Variants in DNAH3 observed in about 807,000 individuals in gnomAD.
DNAH3 encodes the protein axonemal beta dynein heavy chain 3.
DNAH3 carries 332 observed loss-of-function variants against 432.5 expected under a neutral mutation model. The observed-to-expected ratio is 0.77, with a 90% CI of 0.70 to 0.84. DNAH3 has a LOEUF of 0.84. DNAH3 is among the 40% of genes least tolerant of loss of function. The pLI is 0.00. For missense variants in DNAH3, 4,861 were observed against 5,114.0 expected, an observed-to-expected ratio of 0.95 and a Z score of 1.51; for synonymous variants, 1,956 against 1,900.2, an observed-to-expected ratio of 1.03 and a Z score of -0.76.
At chr16:20,944,525 G>C in exon 58 of DNAH3, 2 of 1,614,152 alleles carry the variant, frequency 1.2e-6, no homozygotes, top group Non-Finnish European at 1.7e-6. Flanking sequence ...CCTCCTGACT[G>C]TCTAGGGAGG....
intron 44 of DNAH3, among the ~76,000 whole-genome samples, chr16:20,989,130 C>A (rs1259097245): frequency 3.3e-5 from 5 of 152,196 alleles, no homozygotes; most frequent in Non-Finnish European, 7.3e-5. Flanking sequence ...CTGGCTCGGG[C>A]AGCCTGCTTT....
chr16:20,997,511 C>T, intron 43 of DNAH3, 49 bp from the exon 44 acceptor site: 1 of 1,595,434 alleles, frequency 6.3e-7, no homozygotes, highest in Non-Finnish European at 8.6e-7. Context: ...ATGGCATCTT[C>T]TGCTCTTACA....
intron 43 of DNAH3, among the ~76,000 whole-genome samples, chr16:20,999,148 G>T (rs1303884744): frequency 6.6e-6 from 1 of 151,954 alleles, no homozygotes; most frequent in African/African-American, 2.4e-5. Context: ...CCAGCTTCTT[G>T]GGAGGCTGAG....
intron 31 of DNAH3, among the ~76,000 whole-genome samples, chr16:21,048,550 G>C (rs1016637618): frequency 6.6e-6 from 1 of 152,124 alleles, no homozygotes; most frequent in African/African-American, 2.4e-5. Context: ...CACGGTGCAC[G>C]CACCCACTGA....
chr16:20,980,964 G>A (rs1296371033), intron 49 of DNAH3, among the ~76,000 whole-genome samples: 3 of 152,076 alleles, frequency 2.0e-5, no homozygotes, highest in African/African-American at 7.2e-5. Flanking sequence ...TAAACTAATG[G>A]GCATGCGTGC....
chr16:21,027,005 G>A (rs1340986271), intron 38 of DNAH3, 22 bp downstream of exon 38: 1 of 1,584,810 alleles, frequency 6.3e-7, no homozygotes, highest in East Asian at 2.2e-5. Context: ...GTCCCCCGGG[G>A]TGCCAGTGAG....
In DNAH3 at chr16:21,049,725, A is replaced by T. The variant is rs200805688; in HGVS notation, c.4348-43T>A. 1.0e-5 allele frequency: 16 copies of T among 1,571,912 alleles called. No homozygotes were observed. In the East Asian group the frequency reaches 3.1e-4, roughly 31 times the overall value. On this transcript the variant is annotated intron_variant, in intron 30 of 61. Coordinates refer to ENST00000261383, the Ensembl canonical transcript of DNAH3. ...GTGGGTATCATTCAGGGTGGATTCC[A>T]TCCCATCTGAATTACCCCGCACCAT...
At chr16:21,111,491 C>G (rs1567809002) in intron 14 of DNAH3, 135 bp downstream of exon 14, 1 of 833,440 alleles carries the variant, frequency 1.2e-6, no homozygotes, top group African/African-American at 1.7e-5. Flanking sequence ...TTCCTCACTA[C>G]CCTTACTTAG....
chr16:21,035,659 T>A (rs1364118891), intron 35 of DNAH3, among the ~76,000 whole-genome samples: 1 of 152,184 alleles, frequency 6.6e-6, no homozygotes, highest in African/African-American at 2.4e-5. Flanking sequence ...TGTTTAAAAT[T>A]TTTCATAATA....
chr16:21,014,794 T>C (rs2087779607), intron 41 of DNAH3, among the ~76,000 whole-genome samples: 2 of 152,106 alleles, frequency 1.3e-5, no homozygotes, highest in East Asian at 1.9e-4. Context: ...ATACAGGCAA[T>C]GAACAAGTGG....
At chr16:21,002,676 G>A (rs2087084556) in intron 42 of DNAH3, among the ~76,000 whole-genome samples, 1 of 152,050 alleles carries the variant, frequency 6.6e-6, no homozygotes, top group African/African-American at 2.4e-5. Flanking sequence ...GGCCAGGCTG[G>A]TCTTGCACTC....
At chr16:20,957,020 G>GC (rs2084595994) in intron 54 of DNAH3, among the ~76,000 whole-genome samples, 1 of 152,094 alleles carries the variant, frequency 6.6e-6, no homozygotes, top group Non-Finnish European at 1.5e-5. Context: ...ACCTCACTCG[G>GC]CCCCAAACAG....
intron 8 of DNAH3, among the ~76,000 whole-genome samples, chr16:21,126,465 A>G (rs1487607294): frequency 1.3e-5 from 2 of 152,200 alleles, no homozygotes; most frequent in African/African-American, 4.8e-5. Context: ...TACACAAGGG[A>G]ATTTCTCTGG....
chr16:20,935,249 G>C (rs2083544297), intron 61 of DNAH3, 99 bp downstream of exon 61: 7 of 1,397,106 alleles, frequency 5.0e-6, no homozygotes, highest in Admixed American at 2.0e-5. Flanking sequence ...AGAAGCATTT[G>C]GGTCTTAACA....
intron 57 of DNAH3, among the ~76,000 whole-genome samples, chr16:20,946,960 G>C (rs1239971217): frequency 6.6e-6 from 1 of 151,456 alleles, no homozygotes; most frequent in African/African-American, 2.4e-5. Context: ...GAGTAGTTGG[G>C]ACTACAAGTG....
At chr16:21,097,391 A>G in exon 18 of DNAH3, 1 of 1,614,004 alleles carries the variant, frequency 6.2e-7, no homozygotes, top group South Asian at 1.1e-5. Context: ...CTGAACTCAT[A>G]GGCTGTCGAC....
intron 37 of DNAH3, among the ~76,000 whole-genome samples, chr16:21,029,145 G>A (rs1411514107): frequency 1.3e-5 from 2 of 152,060 alleles, no homozygotes; most frequent in Non-Finnish European, 2.9e-5. Flanking sequence ...AAGACCAACC[G>A]ATACATCTGT....
chr16:21,100,851 C>A (rs968493306), intron 16 of DNAH3, among the ~76,000 whole-genome samples: 1 of 152,168 alleles, frequency 6.6e-6, no homozygotes, highest in Non-Finnish European at 1.5e-5. Flanking sequence ...ACATAGAAAT[C>A]TCTGATGAAA....
At chr16:21,050,664 A>T (rs116371225) in intron 29 of DNAH3, among the ~76,000 whole-genome samples, 1 of 152,136 alleles carries the variant, frequency 6.6e-6, no homozygotes, top group African/African-American at 2.4e-5. Context: ...GGTTGGTCTC[A>T]AACTTCTGGG....
Sources: gnomAD v4.1 joint callset for allele counts (sites outside exome capture counted in the v4.1 genomes callset) on GRCh38, gnomAD v4.1.1 for gene constraint, MANE v1.5 for transcripts, NCBI Gene and HGNC (gene_info 2026-07-23, HGNC 2026-07-21) for gene names.